MMP16: variants seen among roughly 807,000 people sequenced by gnomAD.
MMP16 encodes the protein matrix metalloproteinase-16.
A neutral mutation model predicts 67.8 loss-of-function variants in MMP16; 12 were observed. That is an observed-to-expected ratio of 0.18 (90% CI 0.11 to 0.29). The LOEUF is 0.29. Among genes scored for constraint, MMP16 ranks in the 10% least tolerant of loss-of-function variants. MMP16 has a pLI of 1.00. For missense variants in MMP16, 475 were observed against 765.7 expected (o/e 0.62, Z 4.48); for synonymous variants, 249 against 255.9 (o/e 0.97, Z 0.26).
intron 1 of MMP16, among the ~76,000 whole-genome samples, chr8:88,214,461 T>C (rs12550743): frequency 0.98 from 148,955 of 152,300 alleles, 72,926 homozygotes; most frequent in East Asian, 1. Context: ...TCTCACTATC[T>C]TCAGGCTCAG....
At chr8:88,232,617 A>G (rs1444745490) in intron 1 of MMP16, among the ~76,000 whole-genome samples, 1 of 152,174 alleles carries the variant, frequency 6.6e-6, no homozygotes. Flanking sequence ...ATCTTAAGAG[A>G]AGCACTCAAG....
chr8:88,116,845 C>A, intron 5 of MMP16, 127 bp from the exon 6 acceptor site: 1 of 816,918 alleles, frequency 1.2e-6, no homozygotes, highest in South Asian at 2.2e-5. Context: ...TCTTTAAGAT[C>A]GTATATTTTC....
intron 6 of MMP16, among the ~76,000 whole-genome samples, chr8:88,100,389 C>A (rs1809119776): frequency 6.6e-6 from 1 of 152,028 alleles, no homozygotes. Flanking sequence ...CTCATCATCA[C>A]TGGTCATCAG....
At chr8:88,075,938 TACACACACACACACACACAC>T (rs71556442) in intron 6 of MMP16, among the ~76,000 whole-genome samples, 1 of 140,410 alleles carries the variant, frequency 7.1e-6, no homozygotes, top group Non-Finnish European at 1.5e-5. Context: ...CATATATTCA[TACACACACACACACACACAC>T]ACACACACAC....
chr8:88,178,942 A>T (rs1418490597), intron 3 of MMP16, among the ~76,000 whole-genome samples: 2 of 152,046 alleles, frequency 1.3e-5, no homozygotes, highest in East Asian at 3.9e-4. Context: ...AATGCATTGA[A>T]GCAGAAAAAA....
intron 6 of MMP16, among the ~76,000 whole-genome samples, chr8:88,092,610 G>C (rs1368701806): frequency 6.6e-6 from 1 of 151,726 alleles, no homozygotes; most frequent in Non-Finnish European, 1.5e-5. Context: ...GCCAGGCAAA[G>C]GCAGGCACCT....
intron 1 of MMP16, among the ~76,000 whole-genome samples, chr8:88,254,082 T>C (rs1810266651): frequency 6.6e-6 from 1 of 152,118 alleles, no homozygotes. Flanking sequence ...AATGATAGAC[T>C]GGATAAAGAA....
At chr8:88,091,008 C>CT (rs997018453) in intron 6 of MMP16, among the ~76,000 whole-genome samples, 5 of 151,806 alleles carry the variant, frequency 3.3e-5, no homozygotes, top group African/African-American at 9.6e-5. Flanking sequence ...CTTCAAAATG[C>CT]TTTTTTGACC....
intron 1 of MMP16, among the ~76,000 whole-genome samples, chr8:88,240,292 T>A (rs2129899064): frequency 6.6e-6 from 1 of 152,268 alleles, no homozygotes; most frequent in South Asian, 2.1e-4. Context: ...AATGTAATAT[T>A]TTAGTTGCAA....
intron 1 of MMP16, among the ~76,000 whole-genome samples, chr8:88,273,857 G>A (rs1810604431): frequency 6.6e-6 from 1 of 151,970 alleles, no homozygotes; most frequent in African/African-American, 2.4e-5. Context: ...TACAAGAATA[G>A]AAAAAAGTAA....
chr8:88,217,681 G>A (rs1809616260), intron 1 of MMP16, among the ~76,000 whole-genome samples: 1 of 151,796 alleles, frequency 6.6e-6, no homozygotes, highest in African/African-American at 2.4e-5. Flanking sequence ...GTTCTCATCT[G>A]GAGACATTTT....
chr8:88,136,435 G>T (rs1808120026), intron 4 of MMP16, among the ~76,000 whole-genome samples: 1 of 151,740 alleles, frequency 6.6e-6, no homozygotes, highest in African/African-American at 2.4e-5. Context: ...TAAGTGTACA[G>T]GTCAGTTGAT....
At chr8:88,111,414 G>A (rs1158933302) in intron 6 of MMP16, among the ~76,000 whole-genome samples, 2 of 151,632 alleles carry the variant, frequency 1.3e-5, no homozygotes, top group Admixed American at 1.3e-4. Context: ...GAAAATAAGC[G>A]AATATTTGGT....
At chr8:88,173,177 G>A (rs1808832248) in intron 3 of MMP16, among the ~76,000 whole-genome samples, 1 of 151,842 alleles carries the variant, frequency 6.6e-6, no homozygotes, top group Non-Finnish European at 1.5e-5. Context: ...TCAGCCTCCC[G>A]AGTAGCTGGG....
intron 6 of MMP16, among the ~76,000 whole-genome samples, chr8:88,087,582 T>C (rs554933114): frequency 1.3e-5 from 2 of 151,762 alleles, no homozygotes; most frequent in African/African-American, 2.4e-5. Flanking sequence ...GAATTCACCA[T>C]ACCACACGAG....
chr8:88,138,477 A>T (rs971952292), intron 4 of MMP16, among the ~76,000 whole-genome samples: 3 of 151,980 alleles, frequency 2.0e-5, no homozygotes, highest in Non-Finnish European at 2.9e-5. Context: ...GCAGGCTATG[A>T]GTTTGGTAAA....
intron 1 of MMP16, among the ~76,000 whole-genome samples, chr8:88,225,815 ACT>A (rs1020434047): frequency 6.6e-6 from 1 of 152,026 alleles, no homozygotes; most frequent in Non-Finnish European, 1.5e-5. Flanking sequence ...TTTTGACAAC[ACT>A]CTGAATCACA....
At chr8:88,290,640 C>T (rs556519276) in intron 1 of MMP16, among the ~76,000 whole-genome samples, 4 of 152,154 alleles carry the variant, frequency 2.6e-5, no homozygotes, top group African/African-American at 2.4e-5. Context: ...TGCAGTGATG[C>T]GATCATGGCT....
intron 7 of MMP16, among the ~76,000 whole-genome samples, chr8:88,064,165 GAC>G (rs1037392294): frequency 3.3e-5 from 5 of 152,068 alleles, no homozygotes; most frequent in African/African-American, 9.7e-5. Context: ...AGTAGTTAAT[GAC>G]AGAGTCCACA....
Sources: allele counts gnomAD v4.1 joint callset (sites outside exome capture counted in the v4.1 genomes callset), GRCh38; gene constraint gnomAD v4.1.1; transcripts MANE v1.5; gene names NCBI Gene and HGNC (gene_info 2026-07-23, HGNC 2026-07-21).